Variants in NR6A1 observed in about 807,000 individuals in gnomAD.
NR6A1 encodes nuclear receptor subfamily 6 group A member 1, also known as retinoic acid receptor-related testis-associated receptor.
NR6A1 carries 7 observed loss-of-function variants against 59.1 expected under a neutral mutation model. The ratio of observed to expected loss-of-function variants is 0.12; its 90% confidence interval spans 0.07 to 0.22. The LOEUF is 0.22. NR6A1 is among the 10% of genes least tolerant of loss of function. The probability of loss-of-function intolerance (pLI) is 1.00; values close to 1 mark genes in which losing one functional copy is unlikely to be tolerated. For missense variants in NR6A1, 468 were observed against 611.6 expected, an observed-to-expected ratio of 0.77 and a Z score of 2.48; for synonymous variants, 243 against 236.1, an observed-to-expected ratio of 1.03 and a Z score of -0.27.
At chr9:124,611,199 G>C (rs956546074) in intron 2 of NR6A1, among the ~76,000 whole-genome samples, 1 of 151,998 alleles carries the variant, frequency 6.6e-6, no homozygotes, top group South Asian at 2.1e-4. Context: ...TTGGGATCAG[G>C]CCATTTTGGT....
At chr9:124,727,748 G>A (rs1314899085) in intron 2 of NR6A1, among the ~76,000 whole-genome samples, 4 of 152,024 alleles carry the variant, frequency 2.6e-5, no homozygotes, top group Non-Finnish European at 4.4e-5. Context: ...GCAGTGGCAC[G>A]ATCTTGGTTC....
intron 2 of NR6A1, among the ~76,000 whole-genome samples, chr9:124,563,352 C>A (rs1834133452): frequency 6.6e-6 from 1 of 152,160 alleles, no homozygotes; most frequent in Admixed American, 6.5e-5. Context: ...TACTGGATCA[C>A]AATGTATGTA....
At chr9:124,535,840 G>T (rs1282138187) in intron 7 of NR6A1, 38 bp downstream of exon 7, 39 of 1,609,558 alleles carry the variant, frequency 2.4e-5, no homozygotes, top group Non-Finnish European at 3.1e-5. Flanking sequence ...ACAATTGTTT[G>T]GTTGTTTGGT....
intron 2 of NR6A1, among the ~76,000 whole-genome samples, chr9:124,641,251 T>A (rs1259328230): frequency 6.7e-6 from 1 of 149,168 alleles, no homozygotes; most frequent in African/African-American, 2.5e-5. Context: ...CCCAGCTACT[T>A]GGGAGGATGA....
At chr9:124,635,743 A>G (rs1390056735) in intron 2 of NR6A1, among the ~76,000 whole-genome samples, 5 of 152,236 alleles carry the variant, frequency 3.3e-5, no homozygotes, top group Admixed American at 6.5e-5. Context: ...TTGTCAGGAT[A>G]TGCCACTGTT....
chr9:124,623,811 C>G (rs963804169), intron 2 of NR6A1, among the ~76,000 whole-genome samples: 2 of 152,056 alleles, frequency 1.3e-5, no homozygotes, highest in African/African-American at 4.8e-5. Context: ...CTGCTTAGAC[C>G]AGAAAGTTAA....
chr9:124,651,881 C>A (rs1416206875), intron 2 of NR6A1, among the ~76,000 whole-genome samples: 1 of 152,126 alleles, frequency 6.6e-6, no homozygotes, highest in Non-Finnish European at 1.5e-5. Context: ...ATCCTCTTCC[C>A]AAGTAGACAT....
intron 2 of NR6A1, among the ~76,000 whole-genome samples, chr9:124,638,078 T>C (rs1373985339): frequency 1.3e-5 from 2 of 151,624 alleles, no homozygotes; most frequent in Non-Finnish European, 2.9e-5. Context: ...TGAGATCCCA[T>C]CTCTACAAAA....
chr9:124,761,020 A>G lies in NR6A1; in HGVS notation c.100+10000T>C, dbSNP rs536055973. On this transcript the variant is annotated intron_variant, in intron 1 of 9. Transcript: ENST00000487099. The stretch of plus-strand genomic sequence containing the variant: ...TGGGGGAAGGATTCCAAGAATAGAG[A>G]GAGGAAGTCTCCTGACAGGTTAGAC... Among the ~76,000 whole-genome samples, 91 of 152,350 alleles carry G rather than the reference A, an allele frequency of 6.0e-4. 1 individual carries two copies. The South Asian group carries it at 0.018, about 31-fold the overall frequency.
At position 124,684,930 on chromosome 9, in the gene NR6A1, G is replaced by A. The variant is rs538389668; in HGVS notation, c.142+48378C>T. 2.6e-5 allele frequency among the ~76,000 whole-genome samples: 4 copies of A among 152,120 alleles called. No homozygotes were observed. In the South Asian group the frequency reaches 8.3e-4, roughly 32 times the overall value. ...GAGGCTAAGATGTTTGACTCATCAGGCAGATTTTGACTTGAAGGCTATATC... is the reference window on the plus strand; with the variant it reads ...GAGGCTAAGATGTTTGACTCATCAGACAGATTTTGACTTGAAGGCTATATC... On this transcript the variant is annotated intron_variant, in intron 2 of 9. Coordinates refer to ENST00000487099, the MANE Select transcript of NR6A1 (RefSeq NM_033334.4).
intron 2 of NR6A1, among the ~76,000 whole-genome samples, chr9:124,585,743 C>CA (rs1332065255): frequency 6.6e-6 from 1 of 152,038 alleles, no homozygotes; most frequent in Non-Finnish European, 1.5e-5. Context: ...TGCCTGGCTT[C>CA]AAAAAATAGG....
intron 2 of NR6A1, among the ~76,000 whole-genome samples, chr9:124,597,754 G>A (rs1160497876): frequency 2.0e-5 from 3 of 152,170 alleles, no homozygotes; most frequent in African/African-American, 4.8e-5. Flanking sequence ...AGTTTTTTGA[G>A]AGCACTTTAT....
chr9:124,654,952 T>C (rs1226720640), intron 2 of NR6A1, among the ~76,000 whole-genome samples: 1 of 146,028 alleles, frequency 6.8e-6, no homozygotes, highest in Non-Finnish European at 1.5e-5. Flanking sequence ...GATGCATCCA[T>C]TCCAGGGCCA....
intron 2 of NR6A1, among the ~76,000 whole-genome samples, chr9:124,677,439 T>G (rs142524765): frequency 3.5e-4 from 53 of 151,992 alleles, no homozygotes; most frequent in African/African-American, 1.3e-3. Context: ...TGTATTTTTT[T>G]GTAGAGACGG....
chr9:124,635,415 C>T (rs1278904715), intron 2 of NR6A1, among the ~76,000 whole-genome samples: 1 of 152,180 alleles, frequency 6.6e-6, no homozygotes, highest in Non-Finnish European at 1.5e-5. Context: ...CTCACGAGAT[C>T]TGATGATTCT....
At chr9:124,587,350 G>T (rs1834966015) in intron 2 of NR6A1, among the ~76,000 whole-genome samples, 1 of 152,124 alleles carries the variant, frequency 6.6e-6, no homozygotes, top group South Asian at 2.1e-4. Context: ...TCTGAGGTAT[G>T]CCTATCGCTT....
intron 2 of NR6A1, among the ~76,000 whole-genome samples, chr9:124,717,696 G>A (rs983632593): frequency 3.3e-5 from 5 of 152,128 alleles, no homozygotes; most frequent in African/African-American, 9.7e-5. Context: ...AGATCTATGC[G>A]TTTCATTGCA....
intron 2 of NR6A1, among the ~76,000 whole-genome samples, chr9:124,630,441 T>C (rs1373131234): frequency 6.6e-6 from 1 of 151,384 alleles, no homozygotes; most frequent in Non-Finnish European, 1.5e-5. Flanking sequence ...TTCATTATAT[T>C]GGTCAGGCTG....
At chr9:124,682,011 T>C (rs1838178403) in intron 2 of NR6A1, among the ~76,000 whole-genome samples, 1 of 152,110 alleles carries the variant, frequency 6.6e-6, no homozygotes, top group African/African-American at 2.4e-5. Context: ...TGTTTTGTTT[T>C]GAGAGGGAGT....
Sources: allele counts gnomAD v4.1 joint callset (sites outside exome capture counted in the v4.1 genomes callset), GRCh38; gene constraint gnomAD v4.1.1; transcripts MANE v1.5; gene names NCBI Gene and HGNC (gene_info 2026-07-23, HGNC 2026-07-21).